Variants in CLVS1 observed in about 807,000 individuals in gnomAD.
CLVS1 encodes the protein clavesin 1.
CLVS1 carries 10 observed loss-of-function variants against 33.1 expected under a neutral mutation model. The observed-to-expected ratio is 0.30, with a 90% CI of 0.19 to 0.51. The LOEUF is 0.51. Among genes scored for constraint, CLVS1 ranks in the 20% least tolerant of loss-of-function variants. The probability of loss-of-function intolerance (pLI) is 0.97; values close to 1 mark genes in which losing one functional copy is unlikely to be tolerated. For synonymous variants in CLVS1, 163 were observed against 166.1 expected, an observed-to-expected ratio of 0.98 and a Z score of 0.14; for missense variants, 343 against 433.4, an observed-to-expected ratio of 0.79 and a Z score of 1.85.
chr8:60,969,377 G>A, the CLVS1 span, among the ~76,000 whole-genome samples: 2 of 152,196 alleles, frequency 1.3e-5, no homozygotes, highest in Non-Finnish European at 2.9e-5. Context: ...TTTAAGTGTA[G>A]GGGTGCATGA....
At chr8:61,171,257 T>C (rs1168270501) in intron 2 of CLVS1, among the ~76,000 whole-genome samples, 3 of 152,158 alleles carry the variant, frequency 2.0e-5, no homozygotes, top group South Asian at 2.1e-4. Context: ...TTGAAATAGA[T>C]AGTGAATTTG....
intron 2 of CLVS1, among the ~76,000 whole-genome samples, chr8:61,193,907 G>A (rs186518269): frequency 1.3e-5 from 2 of 151,956 alleles, no homozygotes; most frequent in Admixed American, 6.6e-5. Context: ...GATAAAACAC[G>A]TATCAGTAGC....
chr8:61,213,836 C>T (rs1347948844), intron 2 of CLVS1, among the ~76,000 whole-genome samples: 2 of 152,162 alleles, frequency 1.3e-5, no homozygotes, highest in Non-Finnish European at 2.9e-5. Context: ...TAAACTCTGA[C>T]CACCGGTGAG....
rs558290512 is a variant in CLVS1, at chr8:61,500,364, C to G, written c.*822C>G. The G allele has an allele frequency of 4.6e-5, 7 of 152,320 alleles. No individual in the cohort carries two copies. The highest frequency in any genetic ancestry group is 1.7e-4 in the African/African-American group (7 of 41,582). The allele number at this position is 152,320 out of a possible 1,614,324, so 9.4% of individuals were successfully genotyped here. A position where few individuals can be genotyped will look rare whatever the true frequency, so the allele number is the denominator to read the frequency against. ...AATGAATCCATTCCAGTTGCCTCAA[C>G]TGGGTCACTACAGCAAAGAAAAGTG... On this transcript the variant is annotated 3_prime_UTR_variant, in exon 6 of 6. Transcript: ENST00000325897.
intron 2 of CLVS1, among the ~76,000 whole-genome samples, chr8:61,336,764 T>A (rs1811821887): frequency 6.6e-6 from 1 of 152,240 alleles, no homozygotes; most frequent in African/African-American, 2.4e-5. Flanking sequence ...AGAAAAAGCC[T>A]GTGCATGTGA....
At chr8:61,267,217 G>A (rs968745247) in intron 2 of CLVS1, among the ~76,000 whole-genome samples, 9 of 152,136 alleles carry the variant, frequency 5.9e-5, no homozygotes, top group Admixed American at 5.9e-4. Flanking sequence ...GCGTAGTGTG[G>A]GGGCATGTCT....
intron 2 of CLVS1, among the ~76,000 whole-genome samples, chr8:61,219,665 G>A (rs1052193574): frequency 1.3e-5 from 2 of 152,194 alleles, no homozygotes; most frequent in African/African-American, 2.4e-5. Flanking sequence ...TATATACCCA[G>A]TAATGGGATT....
At chr8:60,986,585 G>A in the CLVS1 span, among the ~76,000 whole-genome samples, 2 of 152,250 alleles carry the variant, frequency 1.3e-5, no homozygotes, top group Admixed American at 6.5e-5. Context: ...CAGGAATTGA[G>A]CCAACTCTGG....
At chr8:61,222,011 C>A (rs75935995) in intron 2 of CLVS1, among the ~76,000 whole-genome samples, 10,589 of 152,030 alleles carry the variant, frequency 0.07, 490 homozygotes, top group East Asian at 0.15. Context: ...GTTTGTATTT[C>A]TTTGTCAGTG....
intron 2 of CLVS1, among the ~76,000 whole-genome samples, chr8:61,186,159 G>A (rs1425877226): frequency 6.6e-6 from 1 of 152,190 alleles, no homozygotes; most frequent in Admixed American, 6.5e-5. Context: ...GGGTCACAGA[G>A]AGTACGCAGA....
the CLVS1 span, among the ~76,000 whole-genome samples, chr8:61,019,758 T>C: frequency 6.6e-6 from 1 of 152,136 alleles, no homozygotes; most frequent in Non-Finnish European, 1.5e-5. Flanking sequence ...TGGAACCTTT[T>C]GGGACCCTCT....
At chr8:61,278,331 T>C (rs887066334) in intron 2 of CLVS1, among the ~76,000 whole-genome samples, 1 of 152,258 alleles carries the variant, frequency 6.6e-6, no homozygotes, top group Admixed American at 6.5e-5. Flanking sequence ...ACTATGCCAT[T>C]GAACATCTCT....
At chr8:61,227,294 C>CT (rs11452736) in intron 2 of CLVS1, among the ~76,000 whole-genome samples, 55,966 of 142,902 alleles carry the variant, frequency 0.39, 10,575 homozygotes, top group South Asian at 0.46. Context: ...GCGAGAAATG[C>CT]TTTTTTTTTT....
intron 2 of CLVS1, among the ~76,000 whole-genome samples, chr8:61,187,946 G>C (rs759216645): frequency 6.6e-6 from 1 of 151,916 alleles, no homozygotes; most frequent in Non-Finnish European, 1.5e-5. Context: ...AGCTGAGAAA[G>C]TACTAAGTTA....
chr8:61,042,148 C>G, the CLVS1 span, among the ~76,000 whole-genome samples: 2 of 152,190 alleles, frequency 1.3e-5, no homozygotes, highest in Non-Finnish European at 2.9e-5. Flanking sequence ...ACTTTGGCCA[C>G]TTCTCTAAGA....
intron 2 of CLVS1, among the ~76,000 whole-genome samples, chr8:61,190,189 C>A (rs182320428): frequency 1.3e-5 from 2 of 152,152 alleles, no homozygotes; most frequent in African/African-American, 2.4e-5. Context: ...GACCACAGTG[C>A]GATCAAACTA....
chr8:61,202,958 A>C (rs1191390835), intron 2 of CLVS1: 1 of 1,452,492 alleles, frequency 6.9e-7, no homozygotes. Context: ...AAAAATGCAC[A>C]AAAGTCAAAT....
At chr8:61,156,746 T>G (rs1011394493) in intron 2 of CLVS1, among the ~76,000 whole-genome samples, 20 of 152,324 alleles carry the variant, frequency 1.3e-4, no homozygotes, top group African/African-American at 4.3e-4. Flanking sequence ...AATGTCAACT[T>G]ACCTGTGATA....
At chr8:61,435,330 C>CGAAG (rs1157291915) in intron 3 of CLVS1, among the ~76,000 whole-genome samples, 1 of 152,168 alleles carries the variant, frequency 6.6e-6, no homozygotes, top group Non-Finnish European at 1.5e-5. Flanking sequence ...GGAAGCACTT[C>CGAAG]TGCTTCCTTC....
Sources: allele counts gnomAD v4.1 joint callset (sites outside exome capture counted in the v4.1 genomes callset), GRCh38; gene constraint gnomAD v4.1.1; transcripts MANE v1.5; gene names NCBI Gene and HGNC (gene_info 2026-07-23, HGNC 2026-07-21).